Variants in NRL observed in about 807,000 individuals in gnomAD.
NRL encodes neural retina-specific leucine zipper protein.
A neutral mutation model predicts 12.5 loss-of-function variants in NRL; 16 were observed. The observed-to-expected ratio is 1.28, with a 90% confidence interval of 0.87 to 1.95. The LOEUF is 1.95. NRL is among the 30% of genes most tolerant of loss of function. NRL has a pLI of 0.00. For missense variants in NRL, 314 were observed against 325.8 expected, an observed-to-expected ratio of 0.96 and a Z score of 0.28; for synonymous variants, 142 against 150.9, an observed-to-expected ratio of 0.94 and a Z score of 0.43.
chr14:24,104,703 G>A (rs1047789127), intron 1 of NRL, among the ~76,000 whole-genome samples: 1 of 151,176 alleles, frequency 6.6e-6, no homozygotes, highest in African/African-American at 2.4e-5. Context: ...AAGCTGCTCA[G>A]TACAGCCCCC....
chr14:24,098,193 T>C (rs747534198), intron 1 of NRL: 4 of 1,584,944 alleles, frequency 2.5e-6, no homozygotes, highest in South Asian at 1.1e-5. Context: ...GACAATCCCC[T>C]CTCCCCCAGC....
intron 1 of NRL, chr14:24,084,757 G>A: frequency 1.0e-6 from 1 of 966,398 alleles, no homozygotes; most frequent in Non-Finnish European, 1.2e-6. Context: ...TGGGGTTGGG[G>A]GAAATGGAGA....
At chr14:24,103,499 T>TC in intron 1 of NRL, 1 of 1,535,114 alleles carries the variant, frequency 6.5e-7, no homozygotes, top group Non-Finnish European at 8.8e-7. Context: ...CCCATCTTGC[T>TC]TCCCCCCCAG....
In NRL at chr14:24,094,298, G is replaced by C; in HGVS notation, c.-27-11423C>G. 1.7e-6 allele frequency: 2 copies of C among 1,143,080 alleles called. No individual in the cohort carries two copies. The highest frequency in any genetic ancestry group is 1.2e-6 in the Non-Finnish European group (1 of 803,756). The allele number at this position is 1,143,080 out of a possible 1,614,324, so 70.8% of individuals were successfully genotyped here. A position where few individuals can be genotyped will look rare whatever the true frequency, so the allele number is the denominator to read the frequency against. On this transcript the variant is annotated intron_variant, in intron 1 of 2. Transcript: ENST00000561028. The surrounding 1 kb of genome is among the most constrained non-coding windows in gnomAD (Gnocchi z 4.1). ...CCCCCCTCCTTTTTAAGCGCCTCCCGCCAGCCTCTGCTGTGGCTCGCTTCG... is the reference window on the plus strand; with the variant it reads ...CCCCCCTCCTTTTTAAGCGCCTCCCCCCAGCCTCTGCTGTGGCTCGCTTCG...
At chr14:24,110,419 T>C (rs947508867) in intron 1 of NRL, 7 of 236,264 alleles carry the variant, frequency 3.0e-5, no homozygotes, top group South Asian at 9.3e-5. Flanking sequence ...TACTTTCTAA[T>C]GAAAAAATGA....
chr14:24,098,706 A>T (rs752864026), intron 1 of NRL: 1 of 1,583,560 alleles, frequency 6.3e-7, no homozygotes, highest in Non-Finnish European at 8.7e-7. Flanking sequence ...CCCAAGGGGA[A>T]CACAGAGGCC....
At chr14:24,105,737 G>A (rs1017902395) in intron 1 of NRL, among the ~76,000 whole-genome samples, 23 of 152,164 alleles carry the variant, frequency 1.5e-4, no homozygotes, top group African/African-American at 5.1e-4. Context: ...TGGCCAACAC[G>A]GTGAAACCCC....
chr14:24,113,634 C>A (rs1244765624), intron 1 of NRL, among the ~76,000 whole-genome samples: 1 of 152,180 alleles, frequency 6.6e-6, no homozygotes, highest in Admixed American at 6.5e-5. Context: ...ATTTCAAGAC[C>A]GTTAACACTA....
intron 1 of NRL, chr14:24,098,580 G>C (rs755045133): frequency 6.2e-7 from 1 of 1,614,130 alleles, no homozygotes; most frequent in South Asian, 1.1e-5. Context: ...GCAAGCATGC[G>C]TATTATGACC....
intron 1 of NRL, chr14:24,103,172 T>A: frequency 6.2e-7 from 1 of 1,613,386 alleles, no homozygotes. Context: ...GTACCCCTGG[T>A]ATACGAGGCC....
intron 1 of NRL, chr14:24,099,488 C>A: frequency 7.0e-7 from 1 of 1,420,450 alleles, no homozygotes; most frequent in Non-Finnish European, 9.6e-7. Context: ...CCCTAGCTGC[C>A]CTTCCCCATG....
intron 1 of NRL, among the ~76,000 whole-genome samples, chr14:24,087,286 A>G (rs1365025197): frequency 6.6e-6 from 1 of 152,212 alleles, no homozygotes; most frequent in Non-Finnish European, 1.5e-5. Context: ...AGGAAGGGAC[A>G]GGACATAAGA....
intron 1 of NRL, among the ~76,000 whole-genome samples, chr14:24,109,975 C>A (rs1328188476): frequency 6.6e-6 from 1 of 152,090 alleles, no homozygotes; most frequent in Admixed American, 6.5e-5. Flanking sequence ...ATAAGTTTAA[C>A]AGAAGTTTTT....
At chr14:24,082,441 C>T (rs2036340833) in intron 2 of NRL, 27 bp downstream of exon 2, 1 of 1,611,650 alleles carries the variant, frequency 6.2e-7, no homozygotes, top group African/African-American at 1.3e-5. Flanking sequence ...CCCTGCCTCC[C>T]CTCAGGCCAG....
intron 1 of NRL, among the ~76,000 whole-genome samples, chr14:24,087,568 C>A (rs2036497118): frequency 6.6e-6 from 1 of 152,212 alleles, no homozygotes; most frequent in African/African-American, 2.4e-5. Context: ...GGTTCTCATT[C>A]CTACTTCTGG....
chr14:24,104,641 A>C (rs1208683033), intron 1 of NRL, among the ~76,000 whole-genome samples: 3 of 134,436 alleles, frequency 2.2e-5, no homozygotes, highest in African/African-American at 9.0e-5. Context: ...ACTCCGTCAC[A>C]AAAAAAAAAA....
At chr14:24,089,477 C>T (rs1566565489) in intron 1 of NRL, among the ~76,000 whole-genome samples, 1 of 151,980 alleles carries the variant, frequency 6.6e-6, no homozygotes, top group Non-Finnish European at 1.5e-5. Context: ...AACTCCTGGG[C>T]TCAAGTGATC....
At chr14:24,099,672 G>A (rs760720880) in intron 1 of NRL, 14 of 1,614,190 alleles carry the variant, frequency 8.7e-6, no homozygotes, top group South Asian at 5.5e-5. Context: ...AGGCTGGAAA[G>A]TGGAGTGTGT....
intron 1 of NRL, among the ~76,000 whole-genome samples, chr14:24,110,036 T>C (rs1468697656): frequency 1.3e-5 from 2 of 152,222 alleles, no homozygotes; most frequent in Non-Finnish European, 2.9e-5. Flanking sequence ...TCATAATCCT[T>C]TGTAGAAGCT....
Sources: gnomAD v4.1 joint callset for allele counts (sites outside exome capture counted in the v4.1 genomes callset) on GRCh38, gnomAD v4.1.1 for gene constraint, Gnocchi (gnomAD v3.1) non-coding constraint, MANE v1.5 for transcripts, NCBI Gene and HGNC (gene_info 2026-07-23, HGNC 2026-07-21) for gene names.